SCD: variants seen among roughly 807,000 people sequenced by gnomAD.
SCD encodes acyl-CoA desaturase.
SCD carries 4 observed loss-of-function variants against 35.7 expected under a neutral mutation model. The ratio of observed to expected loss-of-function variants is 0.11; its 90% CI spans 0.06 to 0.26. SCD has a LOEUF of 0.26. Ranked by LOEUF, SCD falls within the 10% of genes least tolerant of loss-of-function variation. The pLI, the probability that SCD is intolerant of heterozygous loss-of-function variation, is 1.00. For missense variants in SCD, 282 were observed against 460.7 expected, an observed-to-expected ratio of 0.61 and a Z score of 3.55; for synonymous variants, 150 against 170.2, an observed-to-expected ratio of 0.88 and a Z score of 0.92.
At position 100,358,014 on chromosome 10, in the gene SCD, G is replaced by A. The variant is rs371108453; in HGVS notation, c.880+1250G>A. ...AACCATCTTTATTATCTTTTAAATT[G>A]TTGTTGAGACAGTCTCACTCTGTTG... On this transcript the variant is annotated intron_variant, in intron 5 of 5. Transcript: ENST00000370355. 2.0e-5 allele frequency among the ~76,000 whole-genome samples: 3 copies of A among 151,816 alleles called. No individual in the cohort carries two copies. The South Asian group carries it at 6.2e-4, about 31-fold the overall frequency.
In SCD at chr10:100,356,062, G is replaced by A. The variant is rs1849924219; in HGVS notation, c.648-470G>A. 6.6e-6 allele frequency among the ~76,000 whole-genome samples: 1 copy of A among 152,172 alleles called. No individual in the cohort carries two copies. Among genetic ancestry groups the A allele is most frequent in the Admixed American group, 6.5e-5 (1 of 15,274 alleles). On this transcript the variant is annotated intron_variant, in intron 4 of 5. Transcript: ENST00000370355. This position sits in a 1 kb window ranked among gnomAD's most constrained non-coding sequence, Gnocchi z 4.1. ...TTTGGACCTCACCTATCTTACCAAT[G>A]TGGTATTATGCTCTAGTAAAAAGTC...
chr10:100,358,009 A>C (rs1449285779), intron 5 of SCD, among the ~76,000 whole-genome samples: 5 of 151,968 alleles, frequency 3.3e-5, no homozygotes, highest in Admixed American at 6.6e-5. Context: ...ATTATCTTTT[A>C]AATTGTTGTT....
chr10:100,358,796 C>T, intron 5 of SCD, among the ~76,000 whole-genome samples: 1 of 148,900 alleles, frequency 6.7e-6, no homozygotes, highest in African/African-American at 2.5e-5. Flanking sequence ...GGCATGGTGG[C>T]ACGTGCCTGT....
Position 100,347,415 on chromosome 10 carries a change from G to A in SCD, c.-90G>A, listed in dbSNP as rs200272397. 4.9e-5 allele frequency: 69 copies of A among 1,405,614 alleles called. No individual in the cohort carries two copies. Among genetic ancestry groups the A allele is most frequent in the East Asian group, 3.4e-4 (14 of 40,630 alleles). 87.1% of individuals were successfully genotyped at this position (1,405,614 alleles called of 1,614,324 possible). A position where few individuals can be genotyped will look rare whatever the true frequency, so the allele number is the denominator to read the frequency against. On this transcript the variant is annotated 5_prime_UTR_variant, in exon 1 of 6. Transcript: ENST00000370355. ...GCGCCGCGGCTCAGCGCGTACCGGC[G>A]GGCTTCGAAACCGCAGTCCTCCGGC... is the stretch of plus-strand genomic sequence containing the variant.
chr10:100,350,478 C>T (rs113608844), intron 2 of SCD, among the ~76,000 whole-genome samples: 3 of 152,198 alleles, frequency 2.0e-5, no homozygotes, highest in African/African-American at 4.8e-5. Context: ...ACACTGAGAG[C>T]CAGAGGCAAA....
Position 100,359,310 on chromosome 10 carries a change from C to T in SCD, c.881-1424C>T, listed in dbSNP as rs537186715. On this transcript the variant is annotated intron_variant, in intron 5 of 5. Coordinates refer to ENST00000370355, the MANE Select transcript of SCD (RefSeq NM_005063.5). ...ATCTTTTTGTTTCTTGAATTACCTC[C>T]CCCACTGTCACATGCTCATCTTCTC... is the stretch of plus-strand genomic sequence containing the variant. 5.3e-5 allele frequency among the ~76,000 whole-genome samples: 8 copies of T among 151,788 alleles called. No homozygotes were observed. The South Asian group carries it at 1.7e-3, about 32-fold the overall frequency.
intron 3 of SCD, among the ~76,000 whole-genome samples, chr10:100,353,536 G>A (rs995515429): frequency 6.9e-6 from 1 of 144,900 alleles, no homozygotes; most frequent in African/African-American, 2.6e-5. Context: ...AGTGAGCTGA[G>A]ATCGCGCCAC....
chr10:100,349,122 C>G (rs911701224), intron 2 of SCD, among the ~76,000 whole-genome samples: 1 of 152,218 alleles, frequency 6.6e-6, no homozygotes, highest in Non-Finnish European at 1.5e-5. Flanking sequence ...CCAGTCCTAC[C>G]CATCCCTCCT....
chr10:100,360,672 T>C, intron 5 of SCD, 62 bp from the exon 6 acceptor site: 1 of 1,411,802 alleles, frequency 7.1e-7, no homozygotes, highest in Non-Finnish European at 1.0e-6. Flanking sequence ...AGCTAACTGG[T>C]GTGCACAAAT....
chr10:100,355,589 C>G (rs1849919923), intron 4 of SCD, among the ~76,000 whole-genome samples: 1 of 152,156 alleles, frequency 6.6e-6, no homozygotes, highest in Admixed American at 6.5e-5. Flanking sequence ...TTTAGGAAGG[C>G]TGCTTTTAGA....
At position 100,352,355 on chromosome 10, in the gene SCD, TCTC is replaced by T. The variant is rs772634596; in HGVS notation, c.311-8_311-6del. On this transcript the variant is annotated splice_polypyrimidine_tract_variant and splice_region_variant and intron_variant, in intron 2 of 5. Transcript: ENST00000370355. The surrounding 1 kb of genome is among the most constrained non-coding windows in gnomAD (Gnocchi z 4.2). ...CTGATTGGTGACTCCCCCACTGTCT[TCTC>T]CTGGCAGGGGTATTCTACTATTTTG... is the stretch of plus-strand genomic sequence containing the variant. 3 of 1,612,630 alleles carry T rather than the reference TCTC, an allele frequency of 1.9e-6. No individual in the cohort carries two copies. Among genetic ancestry groups the T allele is most frequent in the African/African-American group, 2.7e-5 (2 of 74,872 alleles).
At chr10:100,354,318 T>G in intron 3 of SCD, 109 bp from the exon 4 acceptor site, 1 of 913,634 alleles carries the variant, frequency 1.1e-6, no homozygotes, top group Non-Finnish European at 1.7e-6. Flanking sequence ...TTCCTGGGTA[T>G]TTTGTGAGGT....
chr10:100,349,861 C>A (rs1849852931), intron 2 of SCD, among the ~76,000 whole-genome samples: 1 of 152,056 alleles, frequency 6.6e-6, no homozygotes, highest in Non-Finnish European at 1.5e-5. Flanking sequence ...GGATAGCATT[C>A]CCCAGGCAGT....
intron 5 of SCD, among the ~76,000 whole-genome samples, chr10:100,358,747 TAAAAA>T (rs11381871): frequency 8.9e-6 from 1 of 112,898 alleles, no homozygotes; most frequent in Admixed American, 9.1e-5. Flanking sequence ...TGTCTCTACT[TAAAAA>T]AAAAAAAAAA....
intron 4 of SCD, among the ~76,000 whole-genome samples, chr10:100,354,985 C>T (rs1849913029): frequency 6.6e-6 from 1 of 152,132 alleles, no homozygotes; most frequent in South Asian, 2.1e-4. Context: ...GGCTGGAGTG[C>T]AGTGGCACAA....
Position 100,348,154 on chromosome 10 carries a change from C to G in SCD, c.118C>G (p.Leu40Val), listed in dbSNP as rs2133590923. ...AGGAGATAAGTTGGAGACGATGCCC[C>G]TCTACTTGGAAGACGACATTCGCCC... ...NGGDKLETMPLYLEDDIRPDI... is the reference protein window; with the variant it reads ...NGGDKLETMPVYLEDDIRPDI... Residue 40 changes from leucine (L) to valine (V), a missense_variant, in exon 2 of 6, where the codon CTC becomes GTC. By Grantham distance (32) the Leu-to-Val change is conservative. Transcript: ENST00000370355. The G allele has an allele frequency of 6.2e-7, 1 of 1,613,914 alleles. No individual in the cohort carries two copies. The highest frequency in any genetic ancestry group is 2.2e-5 in the East Asian group (1 of 44,878).
At position 100,356,882 on chromosome 10, in the gene SCD, C is replaced by A; in HGVS notation, c.880+118C>A. The A allele has an allele frequency of 1.3e-6, 1 of 789,736 alleles. No individual in the cohort carries two copies. The highest frequency in any genetic ancestry group is 2.7e-5 in the East Asian group (1 of 37,110). 48.9% of individuals were successfully genotyped at this position (789,736 alleles called of 1,614,324 possible). ...ATGGCTACTTTGTATCTCAGTTTTT[C>A]CACTATAAAATTAGGGGGCAGTATA... On this transcript the variant is annotated intron_variant, in intron 5 of 5. Coordinates refer to ENST00000370355, the MANE Select transcript of SCD (RefSeq NM_005063.5). This position sits in a 1 kb window ranked among gnomAD's most constrained non-coding sequence, Gnocchi z 4.1.
intron 2 of SCD, among the ~76,000 whole-genome samples, chr10:100,349,386 G>C (rs763551768): frequency 6.6e-6 from 1 of 152,220 alleles, no homozygotes; most frequent in African/African-American, 2.4e-5. Context: ...GCCCTGCACT[G>C]CTACTCTCTA....
rs774765600 is a variant in SCD, at chr10:100,348,247, T to C, written c.211T>C (p.Tyr71His). The C allele has an allele frequency of 6.2e-7, 1 of 1,614,140 alleles. No individual in the cohort carries two copies. Among genetic ancestry groups the C allele is most frequent in the Non-Finnish European group, 8.5e-7 (1 of 1,180,014 alleles). ...DKEGPSPKVE[Y>H]VWRNIILMSL... ...GGAAGGCCCAAGCCCCAAGGTTGAA[T>C]ATGTCTGGAGAAACATCATCCTTAT... The change falls in exon 2 of 6, where the codon TAT (tyrosine) becomes CAT (histidine). Residue 71 changes from tyrosine to histidine, a missense_variant. Physicochemically the swap from Tyr to His is moderately conservative, Grantham distance 83. This residue lies in a region of SCD where 205 missense variants were observed against 372.3 expected (regional missense o/e 0.55). Coordinates refer to ENST00000370355, the MANE Select transcript of SCD (RefSeq NM_005063.5).
Sources: allele counts gnomAD v4.1 joint callset (sites outside exome capture counted in the v4.1 genomes callset), GRCh38; gene constraint gnomAD v4.1.1; regional missense constraint gnomAD v4.1.1; non-coding constraint Gnocchi (gnomAD v3.1); transcripts MANE v1.5; gene names NCBI Gene and HGNC (gene_info 2026-07-23, HGNC 2026-07-21).